The following YEATS2 variants were observed in gnomAD, a reference collection of about 807,000 sequenced individuals.
The protein encoded by YEATS2 is YEATS domain-containing protein 2.
In YEATS2, 77 loss-of-function variants were observed where a neutral mutation model predicts 163.2. The ratio of observed to expected loss-of-function variants is 0.47; its 90% CI spans 0.39 to 0.57. The LOEUF is 0.57. Among genes scored for constraint, YEATS2 ranks in the 20% least tolerant of loss-of-function variants. The pLI is 0.00. For synonymous variants in YEATS2, 631 were observed against 645.1 expected, an observed-to-expected ratio of 0.98 and a Z score of 0.33; for missense variants, 1,549 against 1,729.8, an observed-to-expected ratio of 0.90 and a Z score of 1.85.
At chr3:183,791,804 T>TAGAG (rs985035059) in intron 21 of YEATS2, among the ~76,000 whole-genome samples, 3 of 152,230 alleles carry the variant, frequency 2.0e-5, no homozygotes, top group Admixed American at 6.5e-5. Context: ...ATGGTGTCTT[T>TAGAG]GTGCCTGCAC....
intron 15 of YEATS2, among the ~76,000 whole-genome samples, chr3:183,763,311 T>C (rs2109359039): frequency 6.6e-6 from 1 of 152,338 alleles, no homozygotes; most frequent in East Asian, 1.9e-4. Flanking sequence ...TATAGGAAGT[T>C]GTAATAGAAC....
intron 1 of YEATS2, among the ~76,000 whole-genome samples, chr3:183,713,418 C>T (rs916123031): frequency 6.6e-6 from 1 of 152,048 alleles, no homozygotes; most frequent in African/African-American, 2.4e-5. Flanking sequence ...CAGAAATGAG[C>T]TGGGTGTGGT....
chr3:183,770,747 A>G (rs958872251), intron 15 of YEATS2, among the ~76,000 whole-genome samples: 1 of 152,206 alleles, frequency 6.6e-6, no homozygotes, highest in African/African-American at 2.4e-5. Context: ...GTTTACGTAA[A>G]AGATATTCCT....
intron 8 of YEATS2, among the ~76,000 whole-genome samples, chr3:183,739,003 G>C (rs1382846181): frequency 2.1e-5 from 3 of 141,256 alleles, no homozygotes; most frequent in African/African-American, 5.4e-5. Flanking sequence ...GGTTGAACTA[G>C]TTTACAGTCC....
In YEATS2 at chr3:183,750,212, G is replaced by GC. The variant is rs948451865; in HGVS notation, c.970-1855dup. On this transcript the variant is annotated intron_variant, in intron 9 of 30. Transcript: ENST00000305135. ...GGGCTCAAGCTGTCCGCCTGCCTTG[G>GC]CCCCCCAAAGTGTTGGGATTATAGG... 9.1e-4 allele frequency among the ~76,000 whole-genome samples: 139 copies of GC among 152,262 alleles called. 1 individual carries two copies. The highest frequency in any genetic ancestry group is 3.1e-3 in the African/African-American group (130 of 41,536).
chr3:183,803,956 T>A, intron 26 of YEATS2, 31 bp from the exon 27 acceptor site: 1 of 1,610,280 alleles, frequency 6.2e-7, no homozygotes, highest in Non-Finnish European at 8.5e-7. Flanking sequence ...AGGATTTGAT[T>A]ATGGTTCCAA....
intron 19 of YEATS2, among the ~76,000 whole-genome samples, chr3:183,780,205 G>A (rs1723430030): frequency 6.6e-6 from 1 of 152,068 alleles, no homozygotes; most frequent in South Asian, 2.1e-4. Flanking sequence ...AACTACATAT[G>A]TGGATATATC....
chr3:183,788,105 A>G (rs545176987), intron 20 of YEATS2, among the ~76,000 whole-genome samples: 1 of 152,210 alleles, frequency 6.6e-6, no homozygotes. Flanking sequence ...TAATAATCGC[A>G]TCAGGGTAAT....
intron 13 of YEATS2, among the ~76,000 whole-genome samples, chr3:183,759,716 A>G (rs963416140): frequency 1.3e-5 from 2 of 152,226 alleles, no homozygotes; most frequent in Admixed American, 6.5e-5. Flanking sequence ...TGCAAAAGCA[A>G]TATGCACTTA....
intron 12 of YEATS2, among the ~76,000 whole-genome samples, chr3:183,757,138 C>T (rs1720853677): frequency 6.6e-6 from 1 of 151,994 alleles, no homozygotes; most frequent in South Asian, 2.1e-4. Flanking sequence ...TTGAAACCTG[C>T]AGTTTTAAAG....
chr3:183,765,734 G>T lies in YEATS2; in HGVS notation c.1947+3455G>T, dbSNP rs944565240. ...GGCTGAGGTGGGCAGATCACCTGAGGTCAGGAGTTCGAGACCAGCCTGGCC... is the reference window on the plus strand; with the variant it reads ...GGCTGAGGTGGGCAGATCACCTGAGTTCAGGAGTTCGAGACCAGCCTGGCC... On this transcript the variant is annotated intron_variant, in intron 15 of 30. Coordinates refer to ENST00000305135, the MANE Select transcript of YEATS2 (RefSeq NM_018023.5). 7.2e-5 allele frequency among the ~76,000 whole-genome samples: 11 copies of T among 152,182 alleles called. No individual in the cohort carries two copies. The South Asian group carries it at 1.9e-3, about 26-fold the overall frequency.
chr3:183,763,013 T>C (rs1157448180), intron 15 of YEATS2, among the ~76,000 whole-genome samples: 1 of 151,550 alleles, frequency 6.6e-6, no homozygotes, highest in South Asian at 2.1e-4. Flanking sequence ...ATCGCGGCAC[T>C]GCACTCCAGC....
chr3:183,799,773 A>G (rs1369214807), intron 23 of YEATS2, among the ~76,000 whole-genome samples: 1 of 151,382 alleles, frequency 6.6e-6, no homozygotes, highest in Non-Finnish European at 1.5e-5. Flanking sequence ...CGGTCCCAGT[A>G]TTAGAACGTA....
chr3:183,718,475 G>A, intron 3 of YEATS2, 25 bp from the exon 4 acceptor site: 1 of 1,576,966 alleles, frequency 6.3e-7, no homozygotes, highest in Non-Finnish European at 8.6e-7. Context: ...GTTTTTTAAA[G>A]TAATGAGTTA....
At chr3:183,714,613 A>G (rs1018623392) in intron 1 of YEATS2, among the ~76,000 whole-genome samples, 1 of 152,132 alleles carries the variant, frequency 6.6e-6, no homozygotes, top group Admixed American at 6.5e-5. Context: ...TGTTTATTGT[A>G]ATAATGATCA....
intron 23 of YEATS2, among the ~76,000 whole-genome samples, chr3:183,799,222 G>A (rs1725438800): frequency 6.6e-6 from 1 of 152,184 alleles, no homozygotes; most frequent in Non-Finnish European, 1.5e-5. Context: ...CTGCCCTTCA[G>A]TAATTTATAA....
rs1725661546 is a variant in YEATS2 at position 183,801,478 on chromosome 3, A to G, written c.3452A>G (p.Gln1151Arg). The G allele has an allele frequency of 1.2e-6, 2 of 1,611,000 alleles. No individual in the cohort carries two copies. The highest frequency in any genetic ancestry group is 1.7e-6 in the Non-Finnish European group (2 of 1,178,638). The change falls in exon 25 of 31, where the codon CAG becomes CGG. Residue 1151 changes from glutamine (Q) to arginine (R), a missense_variant. Transcript: ENST00000305135. ...AGGATAGACCATTTAGAAACTATCC[A>G]GCAACTCCTAACTGCAGTAGTAAAG... ...VIKIDHLETI[Q>R]QLLTAVVKKI...
chr3:183,793,617 T>C (rs982351921), intron 21 of YEATS2: 3 of 249,776 alleles, frequency 1.2e-5, no homozygotes, highest in African/African-American at 7.3e-5. Flanking sequence ...TTCTTTTTTT[T>C]TTTTTTTTTT....
At chr3:183,786,384 A>C in intron 20 of YEATS2, 83 bp downstream of exon 20, 6 of 1,344,694 alleles carry the variant, frequency 4.5e-6, no homozygotes, top group Non-Finnish European at 6.0e-6. Context: ...CAGGCACACC[A>C]GTGGACCTTT....
Sources: gnomAD v4.1 joint callset for allele counts (sites outside exome capture counted in the v4.1 genomes callset) on GRCh38, gnomAD v4.1.1 for gene constraint, MANE v1.5 for transcripts, NCBI Gene and HGNC (gene_info 2026-07-23, HGNC 2026-07-21) for gene names.